The following RHOH variants were observed in gnomAD, a reference collection of about 807,000 sequenced individuals.
RHOH encodes the protein rho-related GTP-binding protein RhoH.
RHOH carries 6 observed loss-of-function variants against 13.8 expected under a neutral mutation model. That is an observed-to-expected ratio of 0.44 (90% CI 0.24 to 0.86). The LOEUF is 0.86. Among genes scored for constraint, RHOH ranks in the 40% least tolerant of loss-of-function variants. The pLI, the probability that RHOH is intolerant of heterozygous loss-of-function variation, is 0.24. For synonymous variants in RHOH, 117 were observed against 103.0 expected (o/e 1.14, Z -0.82); for missense variants, 147 against 244.5 (o/e 0.60, Z 2.66).
At chr4:40,201,546 G>C (rs1021392942) in intron 1 of RHOH, among the ~76,000 whole-genome samples, 1 of 152,118 alleles carries the variant, frequency 6.6e-6, no homozygotes, top group Non-Finnish European at 1.5e-5. Context: ...TGCTATCTGA[G>C]CATCTGTTTT....
chr4:40,233,072 A>G (rs955451855), intron 1 of RHOH, among the ~76,000 whole-genome samples: 5 of 152,170 alleles, frequency 3.3e-5, no homozygotes, highest in Non-Finnish European at 7.3e-5. Flanking sequence ...ACTAGCTCAG[A>G]ACCATCTTAC....
At chr4:40,195,682 G>T (rs2109334588), upstream of RHOH, among the ~76,000 whole-genome samples, 1 of 152,188 alleles carries the variant, frequency 6.6e-6, no homozygotes, top group East Asian at 1.9e-4. Flanking sequence ...CTAGGTTCAA[G>T]CAATGCTCCC....
At chr4:40,208,143 T>C (rs1254866571) in intron 1 of RHOH, among the ~76,000 whole-genome samples, 7 of 152,182 alleles carry the variant, frequency 4.6e-5, no homozygotes, top group African/African-American at 1.7e-4. Context: ...GTCCTTTCTT[T>C]GGAGGACTAA....
chr4:40,237,393 G>A (rs901779422), intron 1 of RHOH, among the ~76,000 whole-genome samples: 2 of 152,056 alleles, frequency 1.3e-5, no homozygotes, highest in African/African-American at 4.8e-5. Flanking sequence ...AGGTGGAGGC[G>A]GCAGTGAGCC....
intron 1 of RHOH, among the ~76,000 whole-genome samples, chr4:40,230,422 C>G (rs1292444848): frequency 6.6e-6 from 1 of 151,992 alleles, no homozygotes; most frequent in Non-Finnish European, 1.5e-5. Flanking sequence ...CCTCTGCCTC[C>G]CAGGTTCAAG....
upstream of RHOH, chr4:40,197,005 G>C (rs1332712397): frequency 1.3e-5 from 2 of 151,166 alleles, no homozygotes; most frequent in African/African-American, 4.9e-5. Flanking sequence ...AATTGACTTA[G>C]GCACAGGAAC....
intron 1 of RHOH, among the ~76,000 whole-genome samples, chr4:40,229,980 T>G (rs1176101792): frequency 6.6e-6 from 1 of 152,194 alleles, no homozygotes; most frequent in East Asian, 1.9e-4. Context: ...TAGCAATAGT[T>G]CTTAAATGTC....
intron 1 of RHOH, among the ~76,000 whole-genome samples, chr4:40,210,942 G>C (rs1725195688): frequency 6.6e-6 from 1 of 152,154 alleles, no homozygotes; most frequent in Non-Finnish European, 1.5e-5. Context: ...TACTGGGCTA[G>C]ACCAAACATG....
intron 1 of RHOH, among the ~76,000 whole-genome samples, chr4:40,230,232 TTTCGCCATGTTGGCCAGGCTGGTCTAGAA>T (rs1727749080): frequency 1.3e-5 from 2 of 151,986 alleles, no homozygotes. Flanking sequence ...AGAAACGGGG[TTTCGCCATGTTGGCCAGGCTGGTCTAGAA>T]TTCCTGACCT....
upstream of RHOH, among the ~76,000 whole-genome samples, chr4:40,195,676 G>C (rs979885540): frequency 4.6e-5 from 7 of 151,916 alleles, no homozygotes; most frequent in African/African-American, 1.7e-4. Flanking sequence ...GAACTCCTAG[G>C]TTCAAGCAAT....
At chr4:40,199,104 T>TA (rs58849854) in intron 1 of RHOH, among the ~76,000 whole-genome samples, 7,754 of 150,432 alleles carry the variant, frequency 0.052, 575 homozygotes, top group African/African-American at 0.16. Context: ...ATGCTCAGAT[T>TA]AAAAAAAAAA....
At chr4:40,213,373 T>TC (rs1491223865) in intron 1 of RHOH, among the ~76,000 whole-genome samples, 1 of 140,718 alleles carries the variant, frequency 7.1e-6, no homozygotes, top group African/African-American at 2.5e-5. Flanking sequence ...TTTTTTTTTT[T>TC]CTCTCTCTCT....
rs759339489 is a variant in RHOH, at chr4:40,242,749, C to T, written c.-295C>T. On this transcript the variant is annotated 5_prime_UTR_variant, in exon 2 of 3. Transcript: ENST00000381799. ...GGCTAGATCCATCAGAAACTGAAGC[C>T]GTGGAGAACGCTCTCGGGGCCTTTG... 2 of 152,204 alleles carry T rather than the reference C, an allele frequency of 1.3e-5. No homozygotes were observed. Among genetic ancestry groups the T allele is most frequent in the Non-Finnish European group, 2.9e-5 (2 of 68,058 alleles). 9.4% of individuals were successfully genotyped at this position (152,204 alleles called of 1,614,324 possible). A position where few individuals can be genotyped will look rare whatever the true frequency, so the allele number is the denominator to read the frequency against.
chr4:40,214,430 A>C (rs538373937), intron 1 of RHOH, among the ~76,000 whole-genome samples: 2 of 152,110 alleles, frequency 1.3e-5, no homozygotes, highest in East Asian at 3.9e-4. Context: ...TATTTTTTAG[A>C]GACAGAGTTT....
At chr4:40,216,417 C>T (rs563535812) in intron 1 of RHOH, among the ~76,000 whole-genome samples, 21 of 151,940 alleles carry the variant, frequency 1.4e-4, no homozygotes, top group African/African-American at 5.1e-4. Flanking sequence ...GGCAGTAAGC[C>T]GAGATCGCAC....
At chr4:40,216,482 A>G (rs1725910988) in intron 1 of RHOH, among the ~76,000 whole-genome samples, 1 of 152,150 alleles carries the variant, frequency 6.6e-6, no homozygotes, top group Non-Finnish European at 1.5e-5. Context: ...AAAAAAAAAG[A>G]AACAAAAAAT....
At position 40,224,474 on chromosome 4, in the gene RHOH, T is replaced by C. The variant is rs546589597; in HGVS notation, c.-330-18240T>C. Among the ~76,000 whole-genome samples the C allele has an allele frequency of 1.4e-4, 21 of 152,360 alleles. No individual in the cohort carries two copies. The East Asian group carries it at 3.9e-3, about 28-fold the overall frequency. Reference sequence around the variant, plus strand: ...AAGTTTAATAGATACTGGCAAGGACTTAAAGGATGGAGTGGTGCAAGGGGT... The same window carrying C: ...AAGTTTAATAGATACTGGCAAGGACCTAAAGGATGGAGTGGTGCAAGGGGT... On this transcript the variant is annotated intron_variant, in intron 1 of 2. Transcript: ENST00000381799.
intron 1 of RHOH, among the ~76,000 whole-genome samples, chr4:40,238,737 C>T (rs1728885651): frequency 6.6e-6 from 1 of 152,186 alleles, no homozygotes; most frequent in Non-Finnish European, 1.5e-5. Flanking sequence ...GCCTGGAGGG[C>T]CACTCAGTGT....
At chr4:40,201,322 T>C (rs1723956678) in intron 1 of RHOH, among the ~76,000 whole-genome samples, 1 of 151,616 alleles carries the variant, frequency 6.6e-6, no homozygotes, top group South Asian at 2.1e-4. Context: ...AGCATGCTCA[T>C]TGTCACACAG....
Sources: allele counts gnomAD v4.1 joint callset (sites outside exome capture counted in the v4.1 genomes callset), GRCh38; gene constraint gnomAD v4.1.1; transcripts MANE v1.5; gene names NCBI Gene and HGNC (gene_info 2026-07-23, HGNC 2026-07-21).